Variants in PPIP5K2 observed in about 807,000 individuals in gnomAD.
The protein encoded by PPIP5K2 is diphosphoinositol pentakisphosphate kinase 2.
Under a neutral mutation model 154.6 loss-of-function variants are expected in PPIP5K2, and 105 were observed. That is an observed-to-expected ratio of 0.68 (90% confidence interval 0.58 to 0.80). The LOEUF is 0.80. Ranked by LOEUF, PPIP5K2 falls within the 30% of genes least tolerant of loss-of-function variation. PPIP5K2 has a pLI of 0.00. For synonymous variants in PPIP5K2, 480 were observed against 490.3 expected (o/e 0.98, Z 0.28); for missense variants, 992 against 1,504.6 (o/e 0.66, Z 5.64).
chr5:103,178,876 A>G (rs1459189566), intron 23 of PPIP5K2, among the ~76,000 whole-genome samples: 2 of 151,712 alleles, frequency 1.3e-5, no homozygotes, highest in Non-Finnish European at 3.0e-5. Context: ...ATAGTTTTTT[A>G]TGCTGTCATA....
At position 103,147,939 on chromosome 5, in the gene PPIP5K2, TAGA is replaced by T; in HGVS notation, c.654_656del (p.Arg218del). On this transcript the variant is annotated inframe_deletion, in exon 7 of 31. Coordinates refer to ENST00000358359, the MANE Select transcript of PPIP5K2 (RefSeq NM_001276277.3). Reference sequence around the variant, plus strand: ...ACATCTTTTGTTTTCAGATTGGCAGTAGAAGTAGTGTTTATTCTCCAGAAAGCA... The same window carrying T: ...ACATCTTTTGTTTTCAGATTGGCAGTAGTAGTGTTTATTCTCCAGAAAGCA... The T allele has an allele frequency of 6.3e-7, 1 of 1,577,646 alleles. No homozygotes were observed. The highest frequency in any genetic ancestry group is 2.3e-5 in the East Asian group (1 of 44,146).
At position 103,193,359 on chromosome 5, in the gene PPIP5K2, A is replaced by G. The variant is rs139118089; in HGVS notation, c.3494-1541A>G. On this transcript the variant is annotated intron_variant, in intron 29 of 30. Transcript: ENST00000358359. ...GTTATCAAGCTGTAGTATCATATAC[A>G]TACAATTATATTCATTTTGTGGTGT... Among the ~76,000 whole-genome samples the G allele has an allele frequency of 6.1e-4, 93 of 152,156 alleles. 1 individual carries two copies. The highest frequency in any genetic ancestry group is 2.2e-3 in the African/African-American group (91 of 41,544).
intron 1 of PPIP5K2, among the ~76,000 whole-genome samples, chr5:103,125,496 T>A (rs528415231): frequency 1.3e-5 from 2 of 151,572 alleles, no homozygotes; most frequent in Non-Finnish European, 2.9e-5. Context: ...GTATCTCTCA[T>A]ATACTAAAGT....
chr5:103,159,099 A>G (rs781797523), intron 16 of PPIP5K2, 47 bp from the exon 17 acceptor site: 1 of 1,286,070 alleles, frequency 7.8e-7, no homozygotes, highest in Non-Finnish European at 1.1e-6. Context: ...ATATTATTTT[A>G]CGTATTAATT....
In PPIP5K2 at chr5:103,194,533, C is replaced by A. The variant is rs549116272; in HGVS notation, c.3494-367C>A. 3.3e-5 allele frequency among the ~76,000 whole-genome samples: 5 copies of A among 152,268 alleles called. No individual in the cohort carries two copies. The South Asian group carries it at 1.0e-3, about 32-fold the overall frequency. On this transcript the variant is annotated intron_variant, in intron 29 of 30. Coordinates refer to ENST00000358359, the MANE Select transcript of PPIP5K2 (RefSeq NM_001276277.3). ...TGTAATTCCAGCATGAAACACCACG[C>A]CTGGTGAGGGGATTACTGATTCTGT...
intron 30 of PPIP5K2, among the ~76,000 whole-genome samples, chr5:103,197,706 G>A (rs781814934): frequency 5.3e-5 from 8 of 149,638 alleles, no homozygotes; most frequent in Admixed American, 1.3e-4. Context: ...CTCCTAAGTA[G>A]CTGGGATTAC....
intron 17 of PPIP5K2, among the ~76,000 whole-genome samples, chr5:103,160,774 G>T (rs1796095087): frequency 6.6e-6 from 1 of 151,980 alleles, no homozygotes; most frequent in African/African-American, 2.4e-5. Flanking sequence ...TTCTATTATT[G>T]TTAGAGTTTT....
chr5:103,191,799 G>T (rs1801282261), intron 29 of PPIP5K2, among the ~76,000 whole-genome samples: 1 of 152,004 alleles, frequency 6.6e-6, no homozygotes, highest in Admixed American at 6.6e-5. Context: ...GGAAATTCCA[G>T]TTTAGAAAGA....
rs980358969 is a variant in PPIP5K2 at position 103,208,689 on chromosome 5, G to A, written c.*7055G>A. On this transcript the variant is annotated 3_prime_UTR_variant, in exon 31 of 31. Transcript: ENST00000358359. ...CACTCATCCCATTTCCATTGTTTTA[G>A]AGAAGGAACTAGTTGTTGTTGTTTT... 2 of 152,156 alleles carry A rather than the reference G, an allele frequency of 1.3e-5. No individual in the cohort carries two copies. Among genetic ancestry groups the A allele is most frequent in the Non-Finnish European group, 2.9e-5 (2 of 68,088 alleles). 9.4% of individuals were successfully genotyped at this position (152,156 alleles called of 1,614,324 possible).
At chr5:103,178,890 G>T (rs1562479832) in intron 23 of PPIP5K2, among the ~76,000 whole-genome samples, 1 of 151,476 alleles carries the variant, frequency 6.6e-6, no homozygotes, top group African/African-American at 2.4e-5. Context: ...TGTCATAAAT[G>T]ATTTATTTAT....
chr5:103,168,334 A>G (rs782413342), intron 19 of PPIP5K2, 39 bp downstream of exon 19: 2 of 1,456,584 alleles, frequency 1.4e-6, no homozygotes, highest in Middle Eastern at 1.9e-4. Context: ...ATAATATTGA[A>G]AAAATACTTT....
At chr5:103,168,335 A>G (rs782639846) in intron 19 of PPIP5K2, 40 bp downstream of exon 19, 2 of 1,454,154 alleles carry the variant, frequency 1.4e-6, no homozygotes, top group South Asian at 1.2e-5. Flanking sequence ...TAATATTGAA[A>G]AAATACTTTT....
chr5:103,163,859 A>C (rs2149649287), intron 17 of PPIP5K2, among the ~76,000 whole-genome samples: 1 of 151,950 alleles, frequency 6.6e-6, no homozygotes, highest in African/African-American at 2.4e-5. Context: ...AGTTTGCTGA[A>C]ATTTTGGTTA....
chr5:103,174,194 T>G (rs1378125083), intron 21 of PPIP5K2: 2 of 369,748 alleles, frequency 5.4e-6, no homozygotes, highest in Admixed American at 8.8e-5. Flanking sequence ...ATATAAAGTA[T>G]TTTAGGTGAT....
At chr5:103,174,662 G>A (rs1051598440) in intron 21 of PPIP5K2, among the ~76,000 whole-genome samples, 7 of 152,004 alleles carry the variant, frequency 4.6e-5, no homozygotes, top group Non-Finnish European at 1.0e-4. Context: ...AGGTGCAAGT[G>A]CATGGCATTT....
chr5:103,170,100 G>A (rs1414056430), intron 19 of PPIP5K2, among the ~76,000 whole-genome samples: 1 of 151,408 alleles, frequency 6.6e-6, no homozygotes, highest in Non-Finnish European at 1.5e-5. Context: ...GAGTTGAGCC[G>A]AAAAGAAAAC....
intron 23 of PPIP5K2, among the ~76,000 whole-genome samples, chr5:103,178,278 CA>C (rs577559811): frequency 1.3e-5 from 2 of 151,806 alleles, no homozygotes; most frequent in Non-Finnish European, 2.9e-5. Context: ...ATGTGATGTG[CA>C]GTCCAGTTTT....
At position 103,202,817 on chromosome 5, in the gene PPIP5K2, T is replaced by TA. The variant is rs1243886377; in HGVS notation, c.*1186dup. ...GATAAGAATTTCATGCATTGGTAGTTAAATAACTTAAATTGCTAAAGCTTT... is the reference window on the plus strand; with the variant it reads ...GATAAGAATTTCATGCATTGGTAGTTAAAATAACTTAAATTGCTAAAGCTTT... On this transcript the variant is annotated 3_prime_UTR_variant, in exon 31 of 31. Transcript: ENST00000358359. The TA allele has an allele frequency of 3.3e-5, 5 of 152,156 alleles. No individual in the cohort carries two copies. Among genetic ancestry groups the TA allele is most frequent in the Non-Finnish European group, 5.9e-5 (4 of 67,998 alleles). The allele number at this position is 152,156 out of a possible 1,614,324, so 9.4% of individuals were successfully genotyped here. A position where few individuals can be genotyped will look rare whatever the true frequency, so the allele number is the denominator to read the frequency against.
chr5:103,201,568 G>C lies in PPIP5K2; in HGVS notation c.3666G>C (p.Arg1222=). The change falls in exon 31 of 31, where the codon CGG becomes CGC. Residue 1222 remains arginine (R), a synonymous_variant. Transcript: ENST00000358359. ...CAGTTGTTCCTAATACCTCATCTCG[G>C]AAAAAGAATATAACTAGCAAAACAG... ...SSAVVPNTSS[R]KKNITSKTET... is the part of the protein sequence containing the mutation. 6.2e-7 allele frequency: 1 copy of C among 1,609,316 alleles called. No homozygotes were observed.
Sources: allele counts gnomAD v4.1 joint callset (sites outside exome capture counted in the v4.1 genomes callset), GRCh38; gene constraint gnomAD v4.1.1; transcripts MANE v1.5; gene names NCBI Gene and HGNC (gene_info 2026-07-23, HGNC 2026-07-21).